Variants in RGS3 observed in about 807,000 individuals in gnomAD.
The protein encoded by RGS3 is regulator of G-protein signalling 3.
RGS3 carries 80 observed loss-of-function variants against 132.6 expected under a neutral mutation model. The observed-to-expected ratio is 0.60, with a 90% CI of 0.50 to 0.73. The LOEUF is 0.73. Among genes scored for constraint, RGS3 ranks in the 30% least tolerant of loss-of-function variants. The pLI is 0.00. For synonymous variants in RGS3, 598 were observed against 620.6 expected, an observed-to-expected ratio of 0.96 and a Z score of 0.54; for missense variants, 1,382 against 1,530.8, an observed-to-expected ratio of 0.90 and a Z score of 1.62.
At chr9:113,564,336 T>C (rs569415132) in intron 19 of RGS3, among the ~76,000 whole-genome samples, 1 of 152,312 alleles carries the variant, frequency 6.6e-6, no homozygotes, top group Non-Finnish European at 1.5e-5. Context: ...ATTCAGTGAA[T>C]TAATGCAGGC....
chr9:113,541,353 A>T, intron 19 of RGS3: 1 of 1,613,786 alleles, frequency 6.2e-7, no homozygotes, highest in South Asian at 1.1e-5. Context: ...CCAGCAGGAG[A>T]TGGGGCCGGT....
In RGS3 at chr9:113,483,047, A is replaced by G. The variant is rs764804971; in HGVS notation, c.467-12A>G. 1.2e-5 allele frequency: 20 copies of G among 1,613,850 alleles called. No homozygotes were observed. In the South Asian group the frequency reaches 2.1e-4, roughly 17 times the overall value. ...TCCATTCATCCACCCCAATGTCTGA[A>G]TTCTCTTTTAGTTATAGAAGGTAAA... On this transcript the variant is annotated splice_polypyrimidine_tract_variant and intron_variant, in intron 4 of 24. Coordinates refer to ENST00000350696, the Ensembl canonical transcript of RGS3.
At chr9:113,526,208 C>T (rs1374232988) in intron 17 of RGS3, among the ~76,000 whole-genome samples, 2 of 152,218 alleles carry the variant, frequency 1.3e-5, no homozygotes, top group Non-Finnish European at 1.5e-5. Flanking sequence ...GATTATTAGG[C>T]TCTCCAGTCA....
chr9:113,463,522 C>G lies in RGS3; in HGVS notation c.415+1321C>G, dbSNP rs553023716. On this transcript the variant is annotated intron_variant, in intron 3 of 24. Transcript: ENST00000350696. The surrounding 1 kb of genome is among the most constrained non-coding windows in gnomAD (Gnocchi z 4.6). The stretch of plus-strand genomic sequence containing the variant: ...CTGGGGCCGGGATACCCGGGGTGGC[C>G]GCACCGTCCTGCTGGCTCCTTGGGT... 6.7e-3 allele frequency among the ~76,000 whole-genome samples: 1,017 copies of G among 152,250 alleles called. 11 individuals are homozygous for G. Among genetic ancestry groups the G allele is most frequent in the African/African-American group, 0.023 (947 of 41,552 alleles).
chr9:113,579,420 G>T lies in RGS3; in HGVS notation c.2038-4030G>T, dbSNP rs1344323070. Among the ~76,000 whole-genome samples the T allele has an allele frequency of 6.6e-6, 1 of 152,204 alleles. No individual in the cohort carries two copies. The highest frequency in any genetic ancestry group is 1.5e-5 in the Non-Finnish European group (1 of 68,020). The stretch of plus-strand genomic sequence containing the variant: ...ACAGTGACTCCATTTAGAGGGCCTG[G>T]TTCATTTCCTGTGTGCTTACAGCAG... On this transcript the variant is annotated intron_variant, in intron 19 of 24. Transcript: ENST00000350696. The surrounding 1 kb of genome is among the most constrained non-coding windows in gnomAD (Gnocchi z 4.3).
At position 113,471,716 on chromosome 9, in the gene RGS3, G is replaced by A. The variant is rs1431850065; in HGVS notation, c.416-7775G>A. 2.0e-5 allele frequency among the ~76,000 whole-genome samples: 3 copies of A among 151,692 alleles called. No individual in the cohort carries two copies. In the East Asian group the frequency reaches 5.8e-4, roughly 29 times the overall value. On this transcript the variant is annotated intron_variant, in intron 3 of 24. Transcript: ENST00000350696. ...CCTGCCTGCCTACCTGCAGTTGTCC[G>A]AGCAGGCATTACTGGGGCTGGAGGG...
At chr9:113,577,082 C>G (rs1227983414) in intron 19 of RGS3, among the ~76,000 whole-genome samples, 1 of 152,210 alleles carries the variant, frequency 6.6e-6, no homozygotes, top group Non-Finnish European at 1.5e-5. Flanking sequence ...TTCCTGGATT[C>G]AAGCAATTCT....
In RGS3 at chr9:113,483,157, G is replaced by T. The variant is rs751280936; in HGVS notation, c.525+40G>T. 2.8e-6 allele frequency: 4 copies of T among 1,449,518 alleles called. No homozygotes were observed. The East Asian group carries it at 9.1e-5, about 33-fold the overall frequency. 89.8% of individuals were successfully genotyped at this position (1,449,518 alleles called of 1,614,324 possible). ...CGGAGATGGAGAGTGGGATATTGAG[G>T]GGCCATGTTACTGGGCTCAGTCCCA... is the stretch of plus-strand genomic sequence containing the variant. On this transcript the variant is annotated intron_variant, in intron 5 of 24. Coordinates refer to ENST00000350696, the Ensembl canonical transcript of RGS3.
At chr9:113,445,109 A>G (rs1311432681) in intron 1 of RGS3, among the ~76,000 whole-genome samples, 1 of 151,990 alleles carries the variant, frequency 6.6e-6, no homozygotes, top group Non-Finnish European at 1.5e-5. Flanking sequence ...ACTAGTCCTT[A>G]GTTTCTTTTG....
At chr9:113,547,846 A>G (rs1448518922) in intron 19 of RGS3, among the ~76,000 whole-genome samples, 1 of 152,154 alleles carries the variant, frequency 6.6e-6, no homozygotes, top group Non-Finnish European at 1.5e-5. Context: ...TAAATTCAAA[A>G]AAATTGTCCT....
At chr9:113,466,878 C>T (rs1035534943) in intron 3 of RGS3, among the ~76,000 whole-genome samples, 5 of 152,114 alleles carry the variant, frequency 3.3e-5, no homozygotes, top group Non-Finnish European at 5.9e-5. Flanking sequence ...TAGCTTGTAC[C>T]GTCCTCCCTT....
Position 113,463,776 on chromosome 9 carries a change from C to G in RGS3, c.415+1575C>G, listed in dbSNP as rs778866589. 1 of 1,597,258 alleles carries G rather than the reference C, an allele frequency of 6.3e-7. No homozygotes were observed. Among genetic ancestry groups the G allele is most frequent in the Non-Finnish European group, 8.5e-7 (1 of 1,173,024 alleles). ...ACACAGCCGCCTCGGGTTGCAGACG[C>G]TCCTGTCCGGGTCGCAGTGGGACGC... On this transcript the variant is annotated intron_variant, in intron 3 of 24. Transcript: ENST00000350696. The surrounding 1 kb of genome is among the most constrained non-coding windows in gnomAD (Gnocchi z 4.6).
At chr9:113,539,878 A>C (rs1220917517) in intron 19 of RGS3, among the ~76,000 whole-genome samples, 1 of 152,210 alleles carries the variant, frequency 6.6e-6, no homozygotes, top group Non-Finnish European at 1.5e-5. Flanking sequence ...GGACTTAAAG[A>C]ACAGTTGGGA....
At chr9:113,460,425 G>C (rs1343184658) in intron 1 of RGS3, 1 of 188,266 alleles carries the variant, frequency 5.3e-6, no homozygotes, top group African/African-American at 2.4e-5. Context: ...GGGTGCTGAG[G>C]CAGGAGAATG....
At chr9:113,576,901 A>G (rs944205830) in intron 19 of RGS3, among the ~76,000 whole-genome samples, 2 of 152,246 alleles carry the variant, frequency 1.3e-5, no homozygotes, top group African/African-American at 4.8e-5. Flanking sequence ...GGGGGATGAC[A>G]GTGGTCTAGA....
intron 16 of RGS3, among the ~76,000 whole-genome samples, chr9:113,519,408 C>G (rs1399621851): frequency 6.7e-6 from 1 of 149,068 alleles, no homozygotes; most frequent in Non-Finnish European, 1.5e-5. Context: ...TTGAAGGAAA[C>G]AATTTGAAGA....
intron 3 of RGS3, among the ~76,000 whole-genome samples, chr9:113,467,674 G>A (rs1829690797): frequency 6.6e-6 from 1 of 151,884 alleles, no homozygotes; most frequent in African/African-American, 2.4e-5. Context: ...TCTATCTGTG[G>A]GTTTTTTTCA....
chr9:113,510,849 G>C (rs1357325154), intron 14 of RGS3, among the ~76,000 whole-genome samples: 1 of 152,106 alleles, frequency 6.6e-6, no homozygotes, highest in Non-Finnish European at 1.5e-5. Context: ...TCTTTACCAG[G>C]GATCAAGTCT....
chr9:113,505,450 C>T (rs764614468), exon 11 of RGS3: 45 of 1,613,976 alleles, frequency 2.8e-5, no homozygotes, highest in Non-Finnish European at 3.1e-5. Flanking sequence ...AGATCACCAT[C>T]CCGAGGGGAA....
Sources: allele counts gnomAD v4.1 joint callset (sites outside exome capture counted in the v4.1 genomes callset), GRCh38; gene constraint gnomAD v4.1.1; non-coding constraint Gnocchi (gnomAD v3.1); transcripts MANE v1.5; gene names NCBI Gene and HGNC (gene_info 2026-07-23, HGNC 2026-07-21).